Variants in ASCC3 observed in about 807,000 individuals in gnomAD.
ASCC3 encodes activating signal cointegrator 1 complex subunit 3.
Under a neutral mutation model 256.3 loss-of-function variants are expected in ASCC3, and 158 were observed. The ratio of observed to expected loss-of-function variants is 0.62; its 90% CI spans 0.54 to 0.70. The LOEUF (loss-of-function observed/expected upper bound fraction) is 0.70. ASCC3 is among the 30% of genes least tolerant of loss of function. The probability of loss-of-function intolerance (pLI) is 0.00; values close to 1 mark genes in which losing one functional copy is unlikely to be tolerated. For missense variants in ASCC3, 2,259 were observed against 2,626.0 expected, an observed-to-expected ratio of 0.86 and a Z score of 3.05; for synonymous variants, 948 against 883.4, an observed-to-expected ratio of 1.07 and a Z score of -1.30.
intron 10 of ASCC3, among the ~76,000 whole-genome samples, chr6:100,726,636 CCT>C (rs1230004040): frequency 6.6e-6 from 1 of 151,988 alleles, no homozygotes; most frequent in Non-Finnish European, 1.5e-5. Flanking sequence ...ATCTTAAAAT[CCT>C]TTCTAGTATT....
Position 100,542,581 on chromosome 6 carries a change from C to T in ASCC3, c.5551-2194G>A, listed in dbSNP as rs1259231387. On this transcript the variant is annotated intron_variant, in intron 36 of 41. Transcript: ENST00000369162. ...CCTGTAGTCCCAGCTACTCGGGAGACTGAAGCAGGAGAATCGCTTGAACTC... is the reference window on the plus strand; with the variant it reads ...CCTGTAGTCCCAGCTACTCGGGAGATTGAAGCAGGAGAATCGCTTGAACTC... 2.0e-5 allele frequency among the ~76,000 whole-genome samples: 3 copies of T among 151,926 alleles called. No homozygotes were observed. In the East Asian group the frequency reaches 5.8e-4, roughly 29 times the overall value.
intron 37 of ASCC3, among the ~76,000 whole-genome samples, chr6:100,529,910 G>C (rs535631295): frequency 6.6e-6 from 1 of 151,908 alleles, no homozygotes; most frequent in African/African-American, 2.4e-5. Flanking sequence ...GGCCTGATAC[G>C]AAGAAAGCCC....
Position 100,766,696 on chromosome 6 carries a change from C to T in ASCC3, c.1606G>A (p.Val536Ile), listed in dbSNP as rs1781673425. Residue 536 changes from valine (V) to isoleucine (I), a missense_variant, in exon 10 of 42, where the codon GTT becomes ATT. By Grantham distance (29) the Val-to-Ile change is conservative. Coordinates refer to ENST00000369162, the MANE Select transcript of ASCC3 (RefSeq NM_006828.4). ...GCTGCCAAGGCTTTCATTGGAGCAA[C>T]ATATACAATCTATACCAAAGGAACA... ...IKKNEFKIVY[V>I]APMKALAAEM... The T allele has an allele frequency of 6.2e-7, 1 of 1,613,870 alleles. No homozygotes were observed. The highest frequency in any genetic ancestry group is 1.3e-5 in the African/African-American group (1 of 74,904).
intron 24 of ASCC3, among the ~76,000 whole-genome samples, 165 bp from the exon 25 acceptor site, chr6:100,638,986 T>G (rs1774982110): frequency 6.6e-6 from 1 of 152,132 alleles, no homozygotes; most frequent in African/African-American, 2.4e-5. Flanking sequence ...AACAAATATG[T>G]CACGCAAGTA....
chr6:100,584,898 A>C (rs890107192), intron 36 of ASCC3, among the ~76,000 whole-genome samples: 3 of 152,142 alleles, frequency 2.0e-5, no homozygotes, highest in African/African-American at 7.2e-5. Context: ...AAGAATGTTG[A>C]ATATTGGCCC....
chr6:100,793,049 C>A (rs1449304078), intron 8 of ASCC3, among the ~76,000 whole-genome samples: 1 of 152,020 alleles, frequency 6.6e-6, no homozygotes, highest in South Asian at 2.1e-4. Flanking sequence ...GTAGTGGATG[C>A]TATCCTACAA....
intron 30 of ASCC3, among the ~76,000 whole-genome samples, chr6:100,613,152 C>T (rs1309186205): frequency 1.3e-5 from 2 of 149,898 alleles, no homozygotes; most frequent in Admixed American, 1.3e-4. Context: ...TATTACCTGT[C>T]TAGATTGCGT....
At position 100,662,590 on chromosome 6, in the gene ASCC3, T is replaced by TA. The variant is rs1776280936; in HGVS notation, c.2287-55_2287-54insT. On this transcript the variant is annotated intron_variant, in intron 14 of 41. Coordinates refer to ENST00000369162, the MANE Select transcript of ASCC3 (RefSeq NM_006828.4). ...ATTTAGCATTTAAAAGCAATTGTTT[T>TA]TAGCATTTCTGTTGTATGAGTTCAT... 3 of 1,559,688 alleles carry TA rather than the reference T, an allele frequency of 1.9e-6. No homozygotes were observed. In the Admixed American group the frequency reaches 5.1e-5, roughly 26 times the overall value.
At chr6:100,526,409 T>C (rs1337920012) in intron 37 of ASCC3, among the ~76,000 whole-genome samples, 2 of 152,122 alleles carry the variant, frequency 1.3e-5, no homozygotes, top group African/African-American at 4.8e-5. Context: ...TCCTTCATAA[T>C]AGCATCATAT....
At chr6:100,531,536 C>A (rs1774874136) in intron 37 of ASCC3, among the ~76,000 whole-genome samples, 1 of 150,604 alleles carries the variant, frequency 6.6e-6, no homozygotes, top group South Asian at 2.1e-4. Flanking sequence ...TTTAAGTATA[C>A]TGGATCTGGA....
chr6:100,662,131 G>A, intron 15 of ASCC3, 101 bp from the exon 16 acceptor site: 1 of 1,253,402 alleles, frequency 8.0e-7, no homozygotes, highest in South Asian at 1.3e-5. Context: ...GATCTCAAAA[G>A]TGTACTTTAA....
intron 1 of ASCC3, among the ~76,000 whole-genome samples, chr6:100,868,301 A>ATAC (rs1234125287): frequency 6.6e-6 from 1 of 152,240 alleles, no homozygotes; most frequent in African/African-American, 2.4e-5. Flanking sequence ...CAGGCATCAA[A>ATAC]TACTATATTA....
chr6:100,640,020 C>T (rs964948454), intron 24 of ASCC3, among the ~76,000 whole-genome samples: 1 of 152,076 alleles, frequency 6.6e-6, no homozygotes, highest in Non-Finnish European at 1.5e-5. Context: ...GAGGCTGAGG[C>T]AGGAGAATCG....
At chr6:100,771,523 A>C (rs1057213067) in intron 8 of ASCC3, among the ~76,000 whole-genome samples, 1 of 135,334 alleles carries the variant, frequency 7.4e-6, no homozygotes, top group Non-Finnish European at 1.6e-5. Flanking sequence ...TATCAGATAA[A>C]GTGCTTATAC....
chr6:100,696,562 T>C (rs905541226), intron 13 of ASCC3, among the ~76,000 whole-genome samples: 2 of 151,936 alleles, frequency 1.3e-5, no homozygotes, highest in Non-Finnish European at 2.9e-5. Flanking sequence ...CAATACATCA[T>C]TCTCTAGAAT....
At chr6:100,871,734 C>A (rs1195186026) in intron 1 of ASCC3, among the ~76,000 whole-genome samples, 6 of 152,206 alleles carry the variant, frequency 3.9e-5, no homozygotes, top group Non-Finnish European at 8.8e-5. Context: ...CCACTGCAGT[C>A]AGCCTGGGTG....
chr6:100,821,836 A>T (rs912277535), intron 4 of ASCC3, among the ~76,000 whole-genome samples: 1 of 152,136 alleles, frequency 6.6e-6, no homozygotes. Context: ...CAAAAAAAAT[A>T]AAAAAATAAA....
chr6:100,650,546 C>T lies in ASCC3; in HGVS notation c.3244G>A (p.Val1082Ile). The T allele has an allele frequency of 6.2e-7, 1 of 1,612,512 alleles. No individual in the cohort carries two copies. The highest frequency in any genetic ancestry group is 1.1e-5 in the South Asian group (1 of 91,052). The change falls in exon 20 of 42, where the codon GTT becomes ATT. Residue 1082 changes from valine (V) to isoleucine (I), a missense_variant. Transcript: ENST00000369162. ...SFSLISDSAY[V>I]AQNAARIVRA... is the part of the protein sequence containing the mutation. Reference sequence around the variant, plus strand: ...GGGAATAAGATACTTACCTGTGCAACATATGCAGAATCTGATATAAGGGAG... The same window carrying T: ...GGGAATAAGATACTTACCTGTGCAATATATGCAGAATCTGATATAAGGGAG...
chr6:100,834,842 G>A (rs1311678234), intron 4 of ASCC3, among the ~76,000 whole-genome samples: 1 of 152,006 alleles, frequency 6.6e-6, no homozygotes, highest in Non-Finnish European at 1.5e-5. Context: ...AAAAGAGATC[G>A]GGCTGTATTA....
Sources: allele counts gnomAD v4.1 joint callset (sites outside exome capture counted in the v4.1 genomes callset), GRCh38; gene constraint gnomAD v4.1.1; transcripts MANE v1.5; gene names NCBI Gene and HGNC (gene_info 2026-07-23, HGNC 2026-07-21).